THRB: variants seen among roughly 807,000 people sequenced by gnomAD.
The protein encoded by THRB is thyroid hormone receptor beta, also known as nuclear receptor subfamily 1 group A member 2.
In THRB, 12 loss-of-function variants were observed where a neutral mutation model predicts 47.8. The observed-to-expected ratio is 0.25, with a 90% CI of 0.16 to 0.41. THRB has a LOEUF of 0.41. THRB is among the 10% of genes least tolerant of loss of function. THRB has a pLI of 1.00. For synonymous variants in THRB, 218 were observed against 212.2 expected (o/e 1.03, Z -0.24); for missense variants, 348 against 589.2 (o/e 0.59, Z 4.24).
intron 10 of THRB, among the ~76,000 whole-genome samples, chr3:24,124,400 C>A (rs1442492038): frequency 6.6e-6 from 1 of 152,184 alleles, no homozygotes; most frequent in Non-Finnish European, 1.5e-5. Flanking sequence ...GAATTTTCCA[C>A]AGGATCCTTT....
At chr3:24,316,597 C>T (rs772940705) in intron 2 of THRB, among the ~76,000 whole-genome samples, 5 of 152,128 alleles carry the variant, frequency 3.3e-5, no homozygotes, top group Non-Finnish European at 5.9e-5. Flanking sequence ...TTTTCATCCT[C>T]TCTTGAATTA....
At chr3:24,407,561 G>A (rs987294183) in intron 1 of THRB, among the ~76,000 whole-genome samples, 27 of 151,812 alleles carry the variant, frequency 1.8e-4, no homozygotes, top group African/African-American at 6.0e-4. Flanking sequence ...GCTGATTTCA[G>A]TACTTTGAAC....
At chr3:24,200,265 AC>A (rs1456973609) in intron 4 of THRB, among the ~76,000 whole-genome samples, 1 of 152,210 alleles carries the variant, frequency 6.6e-6, no homozygotes, top group Non-Finnish European at 1.5e-5. Context: ...TTTCAAAAAA[AC>A]CCAAGATATC....
At position 24,489,367 on chromosome 3, in the gene THRB, A is replaced by T. The variant is rs568993935; in HGVS notation, c.-261+5285T>A. Among the ~76,000 whole-genome samples the T allele has an allele frequency of 1.2e-3, 187 of 152,346 alleles. 1 individual carries two copies. Among genetic ancestry groups the T allele is most frequent in the African/African-American group, 4.4e-3 (183 of 41,582 alleles). The stretch of plus-strand genomic sequence containing the variant: ...ATCTTCTTGCAAAAGCCTCAAATGC[A>T]AGTATTCTGGGTTGCTACAGGTAGA... On this transcript the variant is annotated intron_variant, in intron 1 of 10. Transcript: ENST00000646209.
intron 4 of THRB, among the ~76,000 whole-genome samples, chr3:24,214,398 T>A (rs991765716): frequency 6.6e-6 from 1 of 152,130 alleles, no homozygotes; most frequent in Non-Finnish European, 1.5e-5. Flanking sequence ...AACAGCTTCC[T>A]GGAAAGCATG....
chr3:24,413,730 C>T lies in THRB; in HGVS notation c.-260-76359G>A, dbSNP rs546815195. ...TATCCCTCCCCCATCCCCGACCCCA[C>T]GACAGGCCCCAGTGTGTGATGTTCC... On this transcript the variant is annotated intron_variant, in intron 1 of 10. Transcript: ENST00000646209. Among the ~76,000 whole-genome samples, 6 of 151,698 alleles carry T rather than the reference C, an allele frequency of 4.0e-5. No individual in the cohort carries two copies. In the East Asian group the frequency reaches 7.8e-4, roughly 20 times the overall value.
At chr3:24,277,870 G>C (rs1395169141) in intron 3 of THRB, among the ~76,000 whole-genome samples, 1 of 152,152 alleles carries the variant, frequency 6.6e-6, no homozygotes, top group African/African-American at 2.4e-5. Context: ...CAATAAATCA[G>C]CCCTTTGACA....
intron 3 of THRB, among the ~76,000 whole-genome samples, chr3:24,274,712 T>C (rs896427523): frequency 3.3e-5 from 5 of 152,198 alleles, no homozygotes; most frequent in Admixed American, 2.6e-4. Context: ...AGATTCATCT[T>C]ATTTGGTTCA....
chr3:24,207,207 G>T (rs902475401), intron 4 of THRB, among the ~76,000 whole-genome samples: 1 of 152,104 alleles, frequency 6.6e-6, no homozygotes, highest in African/African-American at 2.4e-5. Context: ...GAGAATTTTA[G>T]ACCAATATCC....
chr3:24,310,248 T>C (rs1026196449), intron 2 of THRB, among the ~76,000 whole-genome samples: 7 of 152,258 alleles, frequency 4.6e-5, no homozygotes, highest in Non-Finnish European at 1.0e-4. Flanking sequence ...GTGACTTATA[T>C]ATTGTTTTCT....
intron 1 of THRB, among the ~76,000 whole-genome samples, chr3:24,341,798 T>C (rs192349359): frequency 1.2e-4 from 18 of 152,266 alleles, no homozygotes; most frequent in African/African-American, 4.3e-4. Context: ...GTGATTGCCA[T>C]GAGAATATGC....
chr3:24,132,417 C>T (rs1284799148), intron 9 of THRB, among the ~76,000 whole-genome samples: 1 of 152,186 alleles, frequency 6.6e-6, no homozygotes, highest in Non-Finnish European at 1.5e-5. Flanking sequence ...AGCAGTTAAA[C>T]TATGGAATAC....
intron 4 of THRB, among the ~76,000 whole-genome samples, chr3:24,217,981 T>C (rs2046749483): frequency 6.6e-6 from 1 of 152,200 alleles, no homozygotes; most frequent in Non-Finnish European, 1.5e-5. Context: ...AAAATATCTT[T>C]CCTGGCCGGG....
intron 8 of THRB, among the ~76,000 whole-genome samples, chr3:24,138,986 C>T (rs755556977): frequency 3.9e-5 from 6 of 152,220 alleles, no homozygotes; most frequent in Non-Finnish European, 8.8e-5. Flanking sequence ...AAGATTGTTG[C>T]TGTCAGGGGC....
At position 24,139,837 on chromosome 3, in the gene THRB, C is replaced by T. The variant is rs2035208486; in HGVS notation, c.738+3664G>A. ...TTCAGCTTTAATGACAACATGTAAT[C>T]CCATATGACATATTTTTATACTATT... On this transcript the variant is annotated intron_variant, in intron 8 of 10. Coordinates refer to ENST00000646209, the MANE Select transcript of THRB (RefSeq NM_001354712.2). Among the ~76,000 whole-genome samples, 2 of 152,180 alleles carry T rather than the reference C, an allele frequency of 1.3e-5. 1 individual carries two copies. The highest frequency in any genetic ancestry group is 4.1e-4 in the South Asian group (2 of 4,836).
intron 3 of THRB, among the ~76,000 whole-genome samples, chr3:24,251,441 A>G (rs1012872746): frequency 2.0e-5 from 3 of 152,126 alleles, no homozygotes; most frequent in African/African-American, 7.2e-5. Flanking sequence ...TAGATGAACT[A>G]GCAGTTAACC....
At chr3:24,441,476 A>G (rs1240849812) in intron 1 of THRB, among the ~76,000 whole-genome samples, 1 of 152,334 alleles carries the variant, frequency 6.6e-6, no homozygotes, top group East Asian at 1.9e-4. Context: ...TTATTCTGAA[A>G]GCAATGGAGG....
intron 3 of THRB, among the ~76,000 whole-genome samples, chr3:24,244,464 T>C (rs1175779156): frequency 1.3e-5 from 2 of 152,218 alleles, no homozygotes; most frequent in African/African-American, 2.4e-5. Flanking sequence ...TAAAGAAATG[T>C]AATTGAAACT....
chr3:24,305,423 C>A (rs944963296), intron 2 of THRB, among the ~76,000 whole-genome samples: 22 of 152,128 alleles, frequency 1.4e-4, no homozygotes, highest in Admixed American at 1.2e-3. Context: ...AGGGTTGGGA[C>A]TTCCTCTAGC....
Sources: gnomAD v4.1 joint callset for allele counts (sites outside exome capture counted in the v4.1 genomes callset) on GRCh38, gnomAD v4.1.1 for gene constraint, MANE v1.5 for transcripts, NCBI Gene and HGNC (gene_info 2026-07-23, HGNC 2026-07-21) for gene names.